DNAH3: variants seen among roughly 807,000 people sequenced by gnomAD.
The protein encoded by DNAH3 is axonemal beta dynein heavy chain 3.
A neutral mutation model predicts 432.5 loss-of-function variants in DNAH3; 332 were observed. That is an observed-to-expected ratio of 0.77 (90% CI 0.70 to 0.84). DNAH3 has a LOEUF of 0.84. Among genes scored for constraint, DNAH3 ranks in the 40% least tolerant of loss-of-function variants. The pLI, the probability that DNAH3 is intolerant of heterozygous loss-of-function variation, is 0.00. For missense variants in DNAH3, 4,861 were observed against 5,114.0 expected, an observed-to-expected ratio of 0.95 and a Z score of 1.51; for synonymous variants, 1,956 against 1,900.2, an observed-to-expected ratio of 1.03 and a Z score of -0.76.
exon 53 of DNAH3, chr16:20,964,094 A>G: frequency 6.2e-7 from 1 of 1,614,174 alleles, no homozygotes; most frequent in Non-Finnish European, 8.5e-7. Flanking sequence ...TTGGAGGAGG[A>G]CAGAACTTTG....
In DNAH3 at chr16:21,145,356, C is replaced by T. The variant is rs2092769865; in HGVS notation, c.273G>A (p.Trp91Ter). The T allele has an allele frequency of 6.2e-7, 1 of 1,613,994 alleles. No individual in the cohort carries two copies. Among genetic ancestry groups the T allele is most frequent in the Admixed American group, 1.7e-5 (1 of 59,982 alleles). ...GTTCTTTGAAGGGTGCAGCCAAGGT[C>T]CATGACGTGCGTTGCATCAAGGGCG... Residue 91 changes from tryptophan (W) to a stop codon, truncating the protein, a stop_gained, in exon 3 of 62, where the codon TGG becomes TGA. Transcript: ENST00000261383. LOFTEE classifies it high-confidence loss of function.
chr16:21,008,120 A>G (rs1248879065), intron 41 of DNAH3, among the ~76,000 whole-genome samples: 1 of 152,130 alleles, frequency 6.6e-6, no homozygotes, highest in Non-Finnish European at 1.5e-5. Context: ...TTAAACTTCT[A>G]TTATTACAAA....
chr16:21,112,147 A>C (rs1402482654), intron 12 of DNAH3, 49 bp from the exon 13 acceptor site: 3 of 1,282,376 alleles, frequency 2.3e-6, no homozygotes, highest in African/African-American at 1.5e-5. Context: ...TAAGTCAACC[A>C]AATCAGATGA....
intron 33 of DNAH3, among the ~76,000 whole-genome samples, chr16:21,039,444 T>C (rs2051553516): frequency 6.6e-6 from 1 of 152,074 alleles, no homozygotes; most frequent in African/African-American, 2.4e-5. Context: ...GGTCTCAAAC[T>C]CTTGGCCTTA....
exon 53 of DNAH3, chr16:20,965,241 G>C (rs369101432): frequency 6.2e-7 from 1 of 1,613,054 alleles, no homozygotes. Flanking sequence ...ACAGACCCTC[G>C]CAGGCCGACG....
chr16:20,983,034 G>A, intron 48 of DNAH3, 148 bp from the exon 49 acceptor site: 1 of 733,030 alleles, frequency 1.4e-6, no homozygotes, highest in Non-Finnish European at 2.2e-6. Flanking sequence ...TGGCCATAAT[G>A]AGTGCCTGGG....
intron 54 of DNAH3, among the ~76,000 whole-genome samples, chr16:20,956,452 T>C (rs2084569094): frequency 6.6e-6 from 1 of 152,192 alleles, no homozygotes; most frequent in South Asian, 2.1e-4. Context: ...GTTGCTGTAC[T>C]GTGGAACGTG....
chr16:21,116,012 A>T (rs1373378935), intron 12 of DNAH3, among the ~76,000 whole-genome samples: 1 of 152,146 alleles, frequency 6.6e-6, no homozygotes, highest in Admixed American at 6.5e-5. Flanking sequence ...GGATTCTGCT[A>T]AACAGCCCAC....
exon 53 of DNAH3, chr16:20,964,608 A>T (rs1385457658): frequency 6.2e-7 from 1 of 1,614,164 alleles, no homozygotes; most frequent in South Asian, 1.1e-5. Context: ...CCATGTTCTT[A>T]ATCCATTTAT....
chr16:21,145,013 G>A (rs867649083), intron 3 of DNAH3, among the ~76,000 whole-genome samples, 168 bp downstream of exon 4: 1 of 152,176 alleles, frequency 6.6e-6, no homozygotes, highest in Non-Finnish European at 1.5e-5. Flanking sequence ...TCAGGAGGCT[G>A]AGGCAGGAGA....
At position 20,963,848 on chromosome 16, in the gene DNAH3, T is replaced by C. The variant is rs771967661; in HGVS notation, c.10036A>G (p.Ile3346Val). 1.2e-6 allele frequency: 2 copies of C among 1,614,080 alleles called. No homozygotes were observed. Among genetic ancestry groups the C allele is most frequent in the Non-Finnish European group, 1.7e-6 (2 of 1,180,016 alleles). Residue 3346 changes from isoleucine to valine, a missense_variant, in exon 53 of 62, where the codon ATC becomes GTC. Physicochemically the swap from Ile to Val is conservative, Grantham distance 29 (BLOSUM62 3). Coordinates refer to ENST00000261383, the Ensembl canonical transcript of DNAH3. ...GTGAAATGGTCAATGATGTACTTGA[T>C]GCGCAGATTCAGTTCCTCGCTCTTC...
At chr16:21,145,522 T>C in intron 2 of DNAH3, 116 bp from the exon 4 acceptor site, 2 of 804,544 alleles carry the variant, frequency 2.5e-6, no homozygotes, top group South Asian at 3.3e-5. Flanking sequence ...TGTTTCTGCC[T>C]TCTGCACATT....
At chr16:20,962,123 T>G (rs1488838663) in intron 53 of DNAH3, among the ~76,000 whole-genome samples, 1 of 151,664 alleles carries the variant, frequency 6.6e-6, no homozygotes, top group Non-Finnish European at 1.5e-5. Flanking sequence ...ATCACGCCAC[T>G]GCAGTCCAGC....
intron 8 of DNAH3, among the ~76,000 whole-genome samples, chr16:21,127,476 G>A (rs948196574): frequency 1.3e-5 from 2 of 151,616 alleles, no homozygotes; most frequent in Non-Finnish European, 2.9e-5. Flanking sequence ...CAGGATAATC[G>A]CTTGAACCCG....
intron 48 of DNAH3, among the ~76,000 whole-genome samples, chr16:20,984,029 G>GAAA (rs61475224): frequency 0.077 from 8,656 of 111,990 alleles, 489 homozygotes; most frequent in Middle Eastern, 0.12. Flanking sequence ...CCTATATCCA[G>GAAA]AAAAAAAAAA....
chr16:21,101,333 A>G (rs939177288), intron 16 of DNAH3, among the ~76,000 whole-genome samples: 3 of 152,186 alleles, frequency 2.0e-5, no homozygotes, highest in Admixed American at 6.6e-5. Flanking sequence ...AAGTTGAACC[A>G]TCGTAAGTCA....
In DNAH3 at chr16:20,965,224, C is replaced by T. The variant is rs375028375; in HGVS notation, c.8660G>A (p.Trp2887Ter). ...ATCGTACACCTCCATGGCCCTCACC[C>T]ACTTGCACAGACCCTCGCAGGCCGA... The change falls in exon 53 of 62, where the codon TGG (tryptophan) becomes TAG (stop). Residue 2887 changes from tryptophan (W) to a stop codon, truncating the protein, a stop_gained. Transcript: ENST00000261383. LOFTEE classifies it high-confidence loss of function. 1.3e-5 allele frequency: 21 copies of T among 1,613,924 alleles called. No individual in the cohort carries two copies. Among genetic ancestry groups the T allele is most frequent in the Non-Finnish European group, 1.7e-5 (20 of 1,179,886 alleles).
At chr16:21,081,577 G>T in intron 20 of DNAH3, 59 bp downstream of exon 20, 1 of 1,397,408 alleles carries the variant, frequency 7.2e-7, no homozygotes, top group Non-Finnish European at 1.0e-6. Flanking sequence ...TCAGATCACT[G>T]TGGGAACTTA....
At chr16:21,032,374 G>A (rs908322019) in intron 36 of DNAH3, among the ~76,000 whole-genome samples, 5 of 152,250 alleles carry the variant, frequency 3.3e-5, no homozygotes, top group Admixed American at 2.6e-4. Flanking sequence ...AGAAATACAC[G>A]CTGGAGTATT....
Sources: gnomAD v4.1 joint callset for allele counts (sites outside exome capture counted in the v4.1 genomes callset) on GRCh38, gnomAD v4.1.1 for gene constraint, MANE v1.5 for transcripts, NCBI Gene and HGNC (gene_info 2026-07-23, HGNC 2026-07-21) for gene names.